Variants in DCLK1 observed in about 807,000 individuals in gnomAD.
DCLK1 encodes the protein serine/threonine-protein kinase DCLK1.
A neutral mutation model predicts 86.2 loss-of-function variants in DCLK1; 16 were observed. The ratio of observed to expected loss-of-function variants is 0.19; its 90% CI spans 0.13 to 0.28. The LOEUF is 0.28. Ranked by LOEUF, DCLK1 falls within the 10% of genes least tolerant of loss-of-function variation. The probability of loss-of-function intolerance (pLI) is 1.00; values close to 1 mark genes in which losing one functional copy is unlikely to be tolerated. For synonymous variants in DCLK1, 369 were observed against 370.5 expected (o/e 1.00, Z 0.05); for missense variants, 590 against 940.2 (o/e 0.63, Z 4.87).
intron 1 of DCLK1, among the ~76,000 whole-genome samples, chr13:36,128,662 G>C (rs963875365): frequency 1.3e-5 from 2 of 152,194 alleles, no homozygotes; most frequent in African/African-American, 4.8e-5. Context: ...GTGTTAATGA[G>C]TTCAGTGTAC....
intron 4 of DCLK1, among the ~76,000 whole-genome samples, chr13:35,917,996 A>G (rs1875535463): frequency 6.6e-6 from 1 of 152,078 alleles, no homozygotes; most frequent in Non-Finnish European, 1.5e-5. Context: ...ACAAATAGAG[A>G]CCATGTCCAA....
Position 35,810,910 on chromosome 13 carries a change from G to C in DCLK1, c.1613C>G (p.Thr538Ser). The C allele has an allele frequency of 6.2e-7, 1 of 1,614,044 alleles. No individual in the cohort carries two copies. The highest frequency in any genetic ancestry group is 8.5e-7 in the Non-Finnish European group (1 of 1,179,948). Residue 538 changes from threonine (T) to serine (S), a missense_variant, in exon 12 of 17, where the codon ACC becomes AGC. Physicochemically the swap from Thr to Ser is moderately conservative, Grantham distance 58. Transcript: ENST00000360631. The part of the protein sequence containing the change: ...SLKLGDFGLA[T>S]IVDGPLYTVC... ...TGTGTACAGGGGGCCGTCTACAATG[G>C]TGGCCAGTCCAAAGTCACCCAGCTT...
chr13:36,044,392 G>A (rs773658209), intron 3 of DCLK1, among the ~76,000 whole-genome samples: 1 of 152,136 alleles, frequency 6.6e-6, no homozygotes, highest in Non-Finnish European at 1.5e-5. Context: ...TCTTAAAACT[G>A]TACTGTGGAG....
At chr13:35,930,388 G>A (rs1876363634) in intron 4 of DCLK1, among the ~76,000 whole-genome samples, 1 of 152,248 alleles carries the variant, frequency 6.6e-6, no homozygotes, top group Non-Finnish European at 1.5e-5. Context: ...GTGTGGGTCA[G>A]TGTAAGGGAC....
intron 4 of DCLK1, among the ~76,000 whole-genome samples, chr13:35,936,967 T>TTTTTTTTTTTTTTTTTTTTTG: frequency 1.6e-4 from 1 of 6,406 alleles, no homozygotes. Context: ...GTTAGCTTTT[T>TTTTTTTTTTTTTTTTTTTTTG]TTTTTTTTTT....
chr13:35,846,912 C>T lies in DCLK1; in HGVS notation c.1035+7587G>A, dbSNP rs774978918. 2.0e-4 allele frequency: 201 copies of T among 985,142 alleles called. 1 individual carries two copies. The highest frequency in any genetic ancestry group is 5.2e-4 in the Middle Eastern group (1 of 1,936). 61.0% of individuals were successfully genotyped at this position (985,142 alleles called of 1,614,324 possible). On this transcript the variant is annotated intron_variant, in intron 6 of 16. Coordinates refer to ENST00000360631, the MANE Select transcript of DCLK1 (RefSeq NM_001330071.2). ...AGAGTTTTGAAAGAACATACAGAAT[C>T]GCCTTACAGGTTATCTGGCTTTGTT...
At chr13:35,891,385 T>A (rs1448981902) in intron 4 of DCLK1, among the ~76,000 whole-genome samples, 1 of 152,230 alleles carries the variant, frequency 6.6e-6, no homozygotes, top group Non-Finnish European at 1.5e-5. Context: ...TTATCCCCAA[T>A]TATAACATTA....
chr13:35,828,587 G>A (rs185664802), intron 8 of DCLK1, among the ~76,000 whole-genome samples: 26 of 152,216 alleles, frequency 1.7e-4, no homozygotes, highest in African/African-American at 7.2e-5. Flanking sequence ...TTTGTTCCTC[G>A]AATTGCCCAC....
chr13:35,966,714 C>G (rs538938860), intron 3 of DCLK1, among the ~76,000 whole-genome samples: 1 of 152,068 alleles, frequency 6.6e-6, no homozygotes, highest in African/African-American at 2.4e-5. Context: ...CCATGTTGGC[C>G]GGGCTGGTCT....
rs551010333 is a variant in DCLK1, at chr13:36,051,448, AT to A, written c.723+60420del. 8.9e-3 allele frequency among the ~76,000 whole-genome samples: 1,352 copies of A among 151,808 alleles called. 17 individuals are homozygous for A. Among genetic ancestry groups the A allele is most frequent in the African/African-American group, 0.031 (1,266 of 41,414 alleles). ...ATTATTTTCCTTTATGTACAAGTCA[AT>A]TTTTTTTTATTTCTTTAACAACACA... On this transcript the variant is annotated intron_variant, in intron 3 of 16. Coordinates refer to ENST00000360631, the MANE Select transcript of DCLK1 (RefSeq NM_001330071.2).
chr13:35,978,744 C>A (rs912585782), intron 3 of DCLK1, among the ~76,000 whole-genome samples: 2 of 152,182 alleles, frequency 1.3e-5, no homozygotes, highest in African/African-American at 4.8e-5. Context: ...TTTACACTTA[C>A]CCTGACAAGA....
At chr13:36,065,894 G>A (rs745847754) in intron 3 of DCLK1, among the ~76,000 whole-genome samples, 3 of 152,106 alleles carry the variant, frequency 2.0e-5, no homozygotes, top group Non-Finnish European at 2.9e-5. Context: ...GAGTATCTAT[G>A]CACATTCTGA....
intron 3 of DCLK1, among the ~76,000 whole-genome samples, chr13:36,071,451 G>A (rs762037717): frequency 2.6e-5 from 4 of 152,124 alleles, no homozygotes; most frequent in Non-Finnish European, 5.9e-5. Context: ...TAAGTAATAT[G>A]TACAGATAGT....
chr13:36,030,958 C>G (rs556701322), intron 3 of DCLK1, among the ~76,000 whole-genome samples: 2 of 152,084 alleles, frequency 1.3e-5, no homozygotes, highest in African/African-American at 4.8e-5. Flanking sequence ...CTTAGCAACT[C>G]GAAGAAAGAA....
intron 4 of DCLK1, among the ~76,000 whole-genome samples, chr13:35,946,814 A>G (rs141125434): frequency 6.6e-6 from 1 of 152,300 alleles, no homozygotes; most frequent in Non-Finnish European, 1.5e-5. Context: ...CTTTATAACC[A>G]TCCCCTCTTT....
intron 14 of DCLK1, among the ~76,000 whole-genome samples, chr13:35,806,162 A>G (rs112145730): frequency 3.0e-3 from 457 of 152,314 alleles, no homozygotes; most frequent in Non-Finnish European, 4.4e-3. Context: ...CACTTTACTT[A>G]AAATTTCACT....
chr13:35,993,043 T>C (rs1350821491), intron 3 of DCLK1, among the ~76,000 whole-genome samples: 64 of 152,208 alleles, frequency 4.2e-4, no homozygotes, highest in Non-Finnish European at 1.5e-5. Context: ...CTTTTGCTGT[T>C]TCTGCAGCCT....
chr13:35,971,299 G>A (rs923598856), intron 3 of DCLK1, among the ~76,000 whole-genome samples: 14 of 152,116 alleles, frequency 9.2e-5, no homozygotes, highest in African/African-American at 3.4e-4. Context: ...GAATTAAAAG[G>A]GCTTTCTCTG....
chr13:35,774,835 G>T, intron 16 of DCLK1, 136 bp from the exon 17 acceptor site: 1 of 984,386 alleles, frequency 1.0e-6, no homozygotes, highest in Non-Finnish European at 1.5e-6. Flanking sequence ...ACTTTTTGTT[G>T]ACAGTCACCA....
Sources: gnomAD v4.1 joint callset for allele counts (sites outside exome capture counted in the v4.1 genomes callset) on GRCh38, gnomAD v4.1.1 for gene constraint, MANE v1.5 for transcripts, NCBI Gene and HGNC (gene_info 2026-07-23, HGNC 2026-07-21) for gene names.